ITGB5: variants seen among roughly 807,000 people sequenced by gnomAD.
ITGB5 encodes the protein integrin subunit beta 5, also known as integrin beta-5.
In ITGB5, 38 loss-of-function variants were observed where a neutral mutation model predicts 84.8. That is an observed-to-expected ratio of 0.45 (90% CI 0.35 to 0.59). The LOEUF (loss-of-function observed/expected upper bound fraction) is 0.59. ITGB5 is among the 20% of genes least tolerant of loss of function. ITGB5 has a pLI of 0.01. For synonymous variants in ITGB5, 393 were observed against 414.4 expected (o/e 0.95, Z 0.63); for missense variants, 905 against 1,034.5 (o/e 0.87, Z 1.72).
At chr3:124,839,111 AAG>A (rs964766205) in intron 5 of ITGB5, among the ~76,000 whole-genome samples, 1 of 152,240 alleles carries the variant, frequency 6.6e-6, no homozygotes, top group Non-Finnish European at 1.5e-5. Context: ...AGAAAAGGCA[AAG>A]AGAGATGCTG....
chr3:124,866,502 G>T (rs1318264609), intron 2 of ITGB5, among the ~76,000 whole-genome samples: 1 of 152,188 alleles, frequency 6.6e-6, no homozygotes, highest in East Asian at 1.9e-4. Context: ...ATTCTTGTTT[G>T]TTTCTGAAAC....
intron 8 of ITGB5, among the ~76,000 whole-genome samples, chr3:124,811,632 G>A (rs536879184): frequency 6.6e-6 from 1 of 152,336 alleles, no homozygotes; most frequent in Admixed American, 6.5e-5. Flanking sequence ...TACTCTGTGA[G>A]TCAGCAACTA....
chr3:124,881,265 TGAGCCACCC>T (rs1934553367), intron 1 of ITGB5, among the ~76,000 whole-genome samples: 1 of 152,132 alleles, frequency 6.6e-6, no homozygotes, highest in African/African-American at 2.4e-5. Context: ...ATGATAGGTG[TGAGCCACCC>T]TGCCTGGCCA....
chr3:124,807,612 G>C (rs73199509), intron 9 of ITGB5, among the ~76,000 whole-genome samples: 8,363 of 152,030 alleles, frequency 0.055, 329 homozygotes, highest in Non-Finnish European at 0.08. Flanking sequence ...CCCTTTATTT[G>C]GGGGAGCGAG....
chr3:124,827,094 T>C (rs574343411), intron 5 of ITGB5, among the ~76,000 whole-genome samples: 2 of 152,042 alleles, frequency 1.3e-5, no homozygotes, highest in South Asian at 2.1e-4. Context: ...GGAAAGTGGA[T>C]TGAAACACAA....
chr3:124,864,044 A>AAAG lies in ITGB5; in HGVS notation c.157-4599_157-4598insCTT, dbSNP rs1435688292. Among the ~76,000 whole-genome samples the AAAG allele has an allele frequency of 7.4e-3, 1,083 of 145,834 alleles. 2 individuals carry two copies. The highest frequency in any genetic ancestry group is 0.012 in the African/African-American group (469 of 40,140). On this transcript the variant is annotated intron_variant, in intron 2 of 14. Transcript: ENST00000296181. The stretch of plus-strand genomic sequence containing the variant: ...AAGAAGAAAGAAAGAAAGAAAAGAA[A>AAAG]AAAGAAAAAGAAAGAAAGAAAGAAA...
chr3:124,848,408 A>C lies in ITGB5; in HGVS notation c.512T>G (p.Leu171Arg). Residue 171 changes from leucine (L) to arginine (R), a missense_variant, in exon 4 of 15, where the codon CTC (leucine) becomes CGC (arginine). Leu to Arg is a moderately radical substitution (Grantham distance 102). Around this residue, in one of 3 missense-constraint regions of ITGB5, gnomAD observed 656 missense variants for 734.7 expected, o/e 0.89. Coordinates refer to ENST00000296181, the MANE Select transcript of ITGB5 (RefSeq NM_002213.5). ...AAATCCCAACCGGAAGTTGCTGGTG[A>C]GCTTCCTCATCTCCTCCGCGAGTTT... is the stretch of plus-strand genomic sequence containing the variant. ...GTKLAEEMRK[L>R]TSNFRLGFGS... is the part of the protein sequence containing the mutation. 2 of 1,614,196 alleles carry C rather than the reference A, an allele frequency of 1.2e-6. No homozygotes were observed. The highest frequency in any genetic ancestry group is 1.7e-6 in the Non-Finnish European group (2 of 1,180,040).
rs1579244446 is a variant in ITGB5, at chr3:124,817,650, T to C, written c.1099A>G (p.Ile367Val). ...VEILDGDSKN[I>V]IQLIINAYNS... ...TATGCATTAATAATCAGTTGAATAATATTTTTGGAGTCTCCATCTAAAATC... is the reference window on the plus strand; with the variant it reads ...TATGCATTAATAATCAGTTGAATAACATTTTTGGAGTCTCCATCTAAAATC... The change falls in exon 8 of 15, where the codon ATT (isoleucine) becomes GTT (valine). Residue 367 changes from isoleucine to valine, a missense_variant. Transcript: ENST00000296181. The C allele has an allele frequency of 1.3e-6, 2 of 1,587,850 alleles. No homozygotes were observed. Among genetic ancestry groups the C allele is most frequent in the East Asian group, 4.5e-5 (2 of 44,360 alleles).
chr3:124,839,551 CA>C (rs1254078659), intron 5 of ITGB5, among the ~76,000 whole-genome samples: 1 of 151,874 alleles, frequency 6.6e-6, no homozygotes, highest in Non-Finnish European at 1.5e-5. Flanking sequence ...TTTCTCTCTC[CA>C]AAAAAAGAAA....
rs766499416 is a variant in ITGB5 at position 124,796,770 on chromosome 3, G to T, written c.1311C>A (p.His437Gln). 1.9e-6 allele frequency: 3 copies of T among 1,613,408 alleles called. No individual in the cohort carries two copies. Among genetic ancestry groups the T allele is most frequent in the Admixed American group, 1.7e-5 (1 of 59,976 alleles). Residue 437 changes from histidine (H) to glutamine (Q), a missense_variant, in exon 10 of 15, where the codon CAC (histidine) becomes CAA (glutamine). By Grantham distance (24) the His-to-Gln change is conservative. Coordinates refer to ENST00000296181, the MANE Select transcript of ITGB5 (RefSeq NM_002213.5). ...SLEARSCPSRHTEHVFALRPV... is the reference protein window; with the variant it reads ...SLEARSCPSRQTEHVFALRPV... ...GCCGCAGGGCAAACACATGCTCCGT[G>T]TGTCTGCTGGGACAGCTTCGGGCCT...
chr3:124,886,239 G>A (rs1934797709), intron 1 of ITGB5, among the ~76,000 whole-genome samples: 2 of 152,092 alleles, frequency 1.3e-5, no homozygotes, highest in African/African-American at 2.4e-5. Flanking sequence ...GCGGGATAAA[G>A]TCGGGCAGAA....
chr3:124,852,139 C>A (rs539461274), intron 3 of ITGB5, among the ~76,000 whole-genome samples: 2 of 152,162 alleles, frequency 1.3e-5, no homozygotes, highest in Non-Finnish European at 2.9e-5. Flanking sequence ...CCTCCCGCTG[C>A]CCGGCAGAGT....
At chr3:124,874,306 G>GAAAAAAAAAAAAAA (rs59287818) in intron 1 of ITGB5, among the ~76,000 whole-genome samples, 12 of 113,356 alleles carry the variant, frequency 1.1e-4, no homozygotes, top group South Asian at 2.8e-4. Flanking sequence ...TCAAAAGCCG[G>GAAAAAAAAAAAAAA]AAAAAAAAAA....
At position 124,840,433 on chromosome 3, in the gene ITGB5, G is replaced by GTT. The variant is rs72077875; in HGVS notation, c.780+948_780+949dup. 1.5e-3 allele frequency among the ~76,000 whole-genome samples: 220 copies of GTT among 148,478 alleles called. 2 individuals are homozygous for GTT. Among genetic ancestry groups the GTT allele is most frequent in the African/African-American group, 4.6e-3 (185 of 40,646 alleles). On this transcript the variant is annotated intron_variant, in intron 5 of 14. Coordinates refer to ENST00000296181, the MANE Select transcript of ITGB5 (RefSeq NM_002213.5). The stretch of plus-strand genomic sequence containing the variant: ...GTGTTATGATAGTGAATTTAAGAGT[G>GTT]TTTTTTTTTTGTTATTGTTATTGGG...
At position 124,762,449 on chromosome 3, in the gene ITGB5, A is replaced by G. The variant is rs2063708699; in HGVS notation, c.*1174T>C. 1 of 152,124 alleles carries G rather than the reference A, an allele frequency of 6.6e-6. No homozygotes were observed. Among genetic ancestry groups the G allele is most frequent in the South Asian group, 2.1e-4 (1 of 4,816 alleles). 9.4% of individuals were successfully genotyped at this position (152,124 alleles called of 1,614,324 possible). On this transcript the variant is annotated 3_prime_UTR_variant, in exon 15 of 15. Coordinates refer to ENST00000296181, the MANE Select transcript of ITGB5 (RefSeq NM_002213.5). ...GAATCAGTTTCCTCTTCTGTACATA[A>G]GGGGAGAGGGTCAGTCAACCATCTT...
At chr3:124,839,400 C>T (rs1401591902) in intron 5 of ITGB5, among the ~76,000 whole-genome samples, 1 of 152,198 alleles carries the variant, frequency 6.6e-6, no homozygotes, top group African/African-American at 2.4e-5. Flanking sequence ...GTTCCATAGA[C>T]ATAGACTGGA....
At chr3:124,870,918 TC>T (rs1430879645) in intron 2 of ITGB5, among the ~76,000 whole-genome samples, 1 of 151,980 alleles carries the variant, frequency 6.6e-6, no homozygotes, top group Non-Finnish European at 1.5e-5. Context: ...TGAGACAGGG[TC>T]TTGCTTTGTC....
chr3:124,877,678 G>A (rs1659946079), intron 1 of ITGB5, among the ~76,000 whole-genome samples: 1 of 152,120 alleles, frequency 6.6e-6, no homozygotes, highest in Non-Finnish European at 1.5e-5. Context: ...ACGGGGTCCT[G>A]ACCAGCAAGT....
intron 1 of ITGB5, among the ~76,000 whole-genome samples, chr3:124,894,828 T>A (rs1303862602): frequency 6.6e-6 from 1 of 151,840 alleles, no homozygotes; most frequent in African/African-American, 2.4e-5. Flanking sequence ...ACACCAGGGG[T>A]GTCCAATCTT....
Sources: allele counts gnomAD v4.1 joint callset (sites outside exome capture counted in the v4.1 genomes callset), GRCh38; gene constraint gnomAD v4.1.1; regional missense constraint gnomAD v4.1.1; transcripts MANE v1.5; gene names NCBI Gene and HGNC (gene_info 2026-07-23, HGNC 2026-07-21).